C6orf118: variants seen among roughly 807,000 people sequenced by gnomAD.
C6orf118 encodes uncharacterized protein C6orf118.
Under a neutral mutation model 50.2 loss-of-function variants are expected in C6orf118, and 50 were observed. The observed-to-expected ratio is 1.00, with a 90% confidence interval of 0.79 to 1.26. C6orf118 has a LOEUF of 1.26. Ranked by LOEUF, C6orf118 falls within the 50% of genes most tolerant of loss-of-function variation. The pLI, the probability that C6orf118 is intolerant of heterozygous loss-of-function variation, is 0.00. For synonymous variants in C6orf118, 239 were observed against 230.9 expected (o/e 1.03, Z -0.32); for missense variants, 641 against 578.7 (o/e 1.11, Z -1.10).
chr6:165,291,998 T>C (rs1780120213), intron 6 of C6orf118, among the ~76,000 whole-genome samples: 1 of 152,134 alleles, frequency 6.6e-6, no homozygotes, highest in Admixed American at 6.5e-5. Context: ...ATTTTGAAAT[T>C]TGGGGAAATT....
At chr6:165,283,561 C>T (rs1779804372) in intron 7 of C6orf118, among the ~76,000 whole-genome samples, 1 of 152,142 alleles carries the variant, frequency 6.6e-6, no homozygotes, top group Non-Finnish European at 1.5e-5. Context: ...TATACAAAAG[C>T]GTTTCTGTTG....
chr6:165,292,199 T>A (rs1780128243), intron 6 of C6orf118, among the ~76,000 whole-genome samples: 2 of 152,184 alleles, frequency 1.3e-5, no homozygotes, highest in Admixed American at 1.3e-4. Context: ...GACCTCCACC[T>A]CACCCTTTTC....
intron 8 of C6orf118, 25 bp from the exon 9 acceptor site, chr6:165,280,135 C>T (rs1413100): frequency 0.57 from 857,481 of 1,496,832 alleles, 251,401 homozygotes; most frequent in Non-Finnish European, 0.61. Flanking sequence ...GAAATGAATA[C>T]CATAGGTTAG....
intron 6 of C6orf118, among the ~76,000 whole-genome samples, chr6:165,292,717 G>A (rs1307655947): frequency 6.6e-6 from 1 of 152,168 alleles, no homozygotes; most frequent in East Asian, 1.9e-4. Context: ...GTCAGCCTGG[G>A]ACAGAGAACA....
chr6:165,294,574 T>C (rs1780227232), intron 5 of C6orf118, among the ~76,000 whole-genome samples: 1 of 151,990 alleles, frequency 6.6e-6, no homozygotes, highest in Non-Finnish European at 1.5e-5. Context: ...AATAGGGTGG[T>C]TATTATGACC....
At chr6:165,301,246 G>T (rs1402784631) in intron 2 of C6orf118, among the ~76,000 whole-genome samples, 3 of 152,040 alleles carry the variant, frequency 2.0e-5, no homozygotes. Flanking sequence ...TCAGCTCACC[G>T]TCGTGGCTGT....
intron 1 of C6orf118, among the ~76,000 whole-genome samples, chr6:165,303,389 C>T (rs1219669456): frequency 2.0e-5 from 3 of 150,018 alleles, no homozygotes; most frequent in African/African-American, 4.9e-5. Context: ...AAATTGACAC[C>T]CTAACATCAC....
At chr6:165,281,511 A>G (rs1779730386) in intron 8 of C6orf118, 129 bp downstream of exon 8, 2 of 1,420,806 alleles carry the variant, frequency 1.4e-6, no homozygotes, top group South Asian at 1.5e-5. Context: ...CTTTCCTATG[A>G]TCTGCTTCAC....
chr6:165,301,454 G>T, intron 2 of C6orf118, 115 bp downstream of exon 2: 2 of 1,371,300 alleles, frequency 1.5e-6, no homozygotes, highest in Non-Finnish European at 2.0e-6. Flanking sequence ...CAAGAGCTAT[G>T]CCCCGGAGCT....
intron 5 of C6orf118, among the ~76,000 whole-genome samples, chr6:165,297,401 TAAAA>T (rs762133971): frequency 2.4e-5 from 3 of 124,318 alleles, no homozygotes; most frequent in Admixed American, 1.7e-4. Context: ...AAGTCTCCAT[TAAAA>T]AAAAAAAAAA....
intron 5 of C6orf118, among the ~76,000 whole-genome samples, chr6:165,294,019 G>A (rs1780199334): frequency 6.6e-6 from 1 of 152,102 alleles, no homozygotes; most frequent in African/African-American, 2.4e-5. Flanking sequence ...GGCTGAGGCG[G>A]GCAGATCACG....
chr6:165,294,911 T>C (rs1376935219), intron 5 of C6orf118, among the ~76,000 whole-genome samples: 1 of 152,112 alleles, frequency 6.6e-6, no homozygotes, highest in Non-Finnish European at 1.5e-5. Context: ...AACTGGGGAT[T>C]CAATGGATTA....
At chr6:165,302,428 G>A in intron 1 of C6orf118, 132 bp from the exon 2 acceptor site, 1 of 1,173,654 alleles carries the variant, frequency 8.5e-7, no homozygotes, top group African/African-American at 1.5e-5. Flanking sequence ...CAGAGTACAT[G>A]GCCCAGCCCT....
intron 7 of C6orf118, among the ~76,000 whole-genome samples, chr6:165,283,187 C>T (rs183686449): frequency 2.6e-5 from 4 of 152,204 alleles, no homozygotes; most frequent in Non-Finnish European, 4.4e-5. Context: ...TGGCACGACC[C>T]ACAGAGAGCA....
rs762816830 is a variant in C6orf118, at chr6:165,280,107, G to T, written c.1360C>A (p.Pro454Thr). 3 of 1,603,196 alleles carry T rather than the reference G, an allele frequency of 1.9e-6. No individual in the cohort carries two copies. Among genetic ancestry groups the T allele is most frequent in the African/African-American group, 2.7e-5 (2 of 74,176 alleles). Residue 454 changes from proline to threonine, a missense_variant, in exon 9 of 9, where the codon CCT (proline) becomes ACT (threonine). By Grantham distance (38) the Pro-to-Thr change is conservative (BLOSUM62 -1). Coordinates refer to ENST00000230301, the MANE Select transcript of C6orf118 (RefSeq NM_144980.4). ...CAAATTCCTTGATAAATTTCCAAAGGCCCCTTAAAATACATAAGAAATGAA... is the reference window on the plus strand; with the variant it reads ...CAAATTCCTTGATAAATTTCCAAAGTCCCCTTAAAATACATAAGAAATGAA... ...NMILKKKIKG[P>T]LEIYQGICKI...
chr6:165,296,250 G>GTTTTTTTTTTTTTTTTTT (rs56394079), intron 5 of C6orf118, among the ~76,000 whole-genome samples: 16 of 103,376 alleles, frequency 1.5e-4, no homozygotes, highest in South Asian at 3.2e-4. Context: ...TTCGTTTTTT[G>GTTTTTTTTTTTTTTTTTT]TTTTTTTTTT....
At chr6:165,281,962 G>A (rs1266380894) in intron 7 of C6orf118, 1 of 231,924 alleles carries the variant, frequency 4.3e-6, no homozygotes, top group East Asian at 9.7e-5. Flanking sequence ...AGAAGTGAAG[G>A]GTTCTTCACT....
At chr6:165,294,218 C>G (rs1487660250) in intron 5 of C6orf118, among the ~76,000 whole-genome samples, 3 of 148,790 alleles carry the variant, frequency 2.0e-5, no homozygotes, top group East Asian at 2.0e-4. Flanking sequence ...TGCACTCCAG[C>G]CTGGGAGACA....
chr6:165,281,511 A>T, intron 8 of C6orf118, 129 bp downstream of exon 8: 1 of 1,420,806 alleles, frequency 7.0e-7, no homozygotes, highest in South Asian at 1.5e-5. Context: ...CTTTCCTATG[A>T]TCTGCTTCAC....
Sources: allele counts gnomAD v4.1 joint callset (sites outside exome capture counted in the v4.1 genomes callset), GRCh38; gene constraint gnomAD v4.1.1; transcripts MANE v1.5; gene names NCBI Gene and HGNC (gene_info 2026-07-23, HGNC 2026-07-21).